Variants in SLC25A21 observed in about 807,000 individuals in gnomAD.
SLC25A21 encodes mitochondrial 2-oxodicarboxylate carrier.
A neutral mutation model predicts 43.8 loss-of-function variants in SLC25A21; 47 were observed. The ratio of observed to expected loss-of-function variants is 1.07; its 90% CI spans 0.85 to 1.37. SLC25A21 has a LOEUF of 1.37. Ranked by LOEUF, SLC25A21 falls within the 40% of genes most tolerant of loss-of-function variation. The pLI is 0.00. For missense variants in SLC25A21, 352 were observed against 350.2 expected (o/e 1.00, Z -0.04); for synonymous variants, 131 against 121.3 (o/e 1.08, Z -0.52).
chr14:36,921,604 T>C (rs970318248), intron 1 of SLC25A21, among the ~76,000 whole-genome samples: 3 of 152,166 alleles, frequency 2.0e-5, no homozygotes, highest in African/African-American at 4.8e-5. Flanking sequence ...TATGATTCCA[T>C]TTCAATAAAA....
chr14:37,059,479 G>T (rs564404455), intron 1 of SLC25A21, among the ~76,000 whole-genome samples: 15 of 152,026 alleles, frequency 9.9e-5, no homozygotes, highest in Non-Finnish European at 1.6e-4. Flanking sequence ...TCTCCCCTTC[G>T]TCTGAGACAA....
At chr14:36,741,811 G>A (rs892476665) in intron 3 of SLC25A21, among the ~76,000 whole-genome samples, 1 of 152,140 alleles carries the variant, frequency 6.6e-6, no homozygotes, top group Non-Finnish European at 1.5e-5. Context: ...AAATAGGAGC[G>A]ACAGGGAAAG....
chr14:36,768,675 T>C (rs1886502955), intron 3 of SLC25A21, among the ~76,000 whole-genome samples: 1 of 152,210 alleles, frequency 6.6e-6, no homozygotes, highest in Non-Finnish European at 1.5e-5. Context: ...TTAACTGCAC[T>C]AAATCTTACC....
At chr14:37,113,390 A>G (rs1275986933) in intron 1 of SLC25A21, among the ~76,000 whole-genome samples, 1 of 152,196 alleles carries the variant, frequency 6.6e-6, no homozygotes, top group Non-Finnish European at 1.5e-5. Context: ...AGAGTGATAC[A>G]GTAGATTACA....
intron 1 of SLC25A21, among the ~76,000 whole-genome samples, chr14:37,056,353 G>A (rs1308771210): frequency 2.6e-5 from 4 of 151,938 alleles, no homozygotes; most frequent in African/African-American, 9.7e-5. Flanking sequence ...AGCCAGGCGA[G>A]GTGGCGGGCG....
chr14:36,838,476 A>T (rs1022934142), intron 2 of SLC25A21, among the ~76,000 whole-genome samples: 23 of 152,144 alleles, frequency 1.5e-4, no homozygotes, highest in Non-Finnish European at 2.2e-4. Flanking sequence ...TTGCTAAATA[A>T]ATTGGGACTG....
At chr14:36,889,129 T>C (rs1233750593) in intron 1 of SLC25A21, among the ~76,000 whole-genome samples, 1 of 152,182 alleles carries the variant, frequency 6.6e-6, no homozygotes, top group Non-Finnish European at 1.5e-5. Flanking sequence ...AGCCAAGTAT[T>C]CCAGGTAAAT....
intron 1 of SLC25A21, among the ~76,000 whole-genome samples, chr14:36,943,460 T>C (rs1892613704): frequency 2.6e-5 from 4 of 152,222 alleles, no homozygotes; most frequent in Admixed American, 2.6e-4. Flanking sequence ...CCAAAAGTGC[T>C]GGGATTACAG....
intron 1 of SLC25A21, among the ~76,000 whole-genome samples, chr14:37,102,007 T>C (rs1174475201): frequency 1.2e-4 from 19 of 152,170 alleles, no homozygotes; most frequent in Admixed American, 1.2e-3. Context: ...CTGCATCACA[T>C]GAGTTAATGA....
chr14:36,879,912 C>A (rs1158746545), intron 1 of SLC25A21, among the ~76,000 whole-genome samples: 1 of 151,852 alleles, frequency 6.6e-6, no homozygotes, highest in Admixed American at 6.6e-5. Context: ...AGAACTTTTT[C>A]TTTACTCAGG....
At position 37,169,252 on chromosome 14, in the gene SLC25A21, G is replaced by A. The variant is rs1282869269; in HGVS notation, c.70+3029C>T. ...TAATAAACTATCTGACTGCATTTGGGCCTGCTTACTCCTTACTAGGCGAGT... is the reference window on the plus strand; with the variant it reads ...TAATAAACTATCTGACTGCATTTGGACCTGCTTACTCCTTACTAGGCGAGT... On this transcript the variant is annotated intron_variant, in intron 1 of 9. Coordinates refer to ENST00000331299, the MANE Select transcript of SLC25A21 (RefSeq NM_030631.4). Among the ~76,000 whole-genome samples the A allele has an allele frequency of 2.6e-5, 4 of 152,108 alleles. No homozygotes were observed. The East Asian group carries it at 7.7e-4, about 29-fold the overall frequency.
intron 1 of SLC25A21, among the ~76,000 whole-genome samples, chr14:37,145,476 C>CAGAG (rs35649306): frequency 0.023 from 3,333 of 143,630 alleles, 64 homozygotes; most frequent in South Asian, 0.056. Flanking sequence ...CACACACACA[C>CAGAG]AGAGAGATGA....
At chr14:36,840,337 A>AC (rs1428810323) in intron 2 of SLC25A21, among the ~76,000 whole-genome samples, 4 of 152,244 alleles carry the variant, frequency 2.6e-5, no homozygotes, top group Admixed American at 2.0e-4. Flanking sequence ...AACAAAAAGA[A>AC]GAGTTTATTT....
chr14:36,805,922 G>C (rs79516053), intron 3 of SLC25A21, among the ~76,000 whole-genome samples: 8 of 152,154 alleles, frequency 5.3e-5, no homozygotes, highest in Non-Finnish European at 1.0e-4. Flanking sequence ...ACGGTTAGAG[G>C]TGGATTAAAG....
chr14:36,843,313 C>A (rs1210908259), intron 2 of SLC25A21, among the ~76,000 whole-genome samples: 5 of 152,134 alleles, frequency 3.3e-5, no homozygotes, highest in Non-Finnish European at 5.9e-5. Flanking sequence ...TAATATAATA[C>A]AGAAATCCTT....
At chr14:36,777,785 T>C (rs1646955086) in intron 3 of SLC25A21, among the ~76,000 whole-genome samples, 1 of 152,214 alleles carries the variant, frequency 6.6e-6, no homozygotes, top group Non-Finnish European at 1.5e-5. Flanking sequence ...TTTTAAGCCA[T>C]GTGATTTGTG....
intron 1 of SLC25A21, among the ~76,000 whole-genome samples, chr14:37,022,226 T>C (rs1246320403): frequency 1.3e-5 from 2 of 152,020 alleles, no homozygotes; most frequent in Non-Finnish European, 2.9e-5. Flanking sequence ...AAAAACTTAC[T>C]TTGTAATAAT....
intron 3 of SLC25A21, among the ~76,000 whole-genome samples, chr14:36,779,609 CATATATATATATATATATATATAT>C (rs35392668): frequency 1.6e-5 from 2 of 122,484 alleles, no homozygotes; most frequent in Non-Finnish European, 3.5e-5. Context: ...TATGTGTATA[CATATATATATATATATATATATAT>C]ATATATATAT....
intron 1 of SLC25A21, among the ~76,000 whole-genome samples, chr14:36,997,292 C>T (rs549342309): frequency 8.5e-5 from 13 of 152,162 alleles, no homozygotes; most frequent in Admixed American, 2.0e-4. Context: ...TATGCTCCCG[C>T]GGAGCTATAC....
Sources: gnomAD v4.1 joint callset for allele counts (sites outside exome capture counted in the v4.1 genomes callset) on GRCh38, gnomAD v4.1.1 for gene constraint, MANE v1.5 for transcripts, NCBI Gene and HGNC (gene_info 2026-07-23, HGNC 2026-07-21) for gene names.